The following DNAH8 variants were observed in gnomAD, a reference collection of about 807,000 sequenced individuals.
DNAH8 encodes the protein dynein axonemal heavy chain 8.
Under a neutral mutation model 562.1 loss-of-function variants are expected in DNAH8, and 382 were observed. The ratio of observed to expected loss-of-function variants is 0.68; its 90% CI spans 0.63 to 0.74. DNAH8 has a LOEUF of 0.74. Ranked by LOEUF, DNAH8 falls within the 30% of genes least tolerant of loss-of-function variation. DNAH8 has a pLI of 0.00. For missense variants in DNAH8, 5,203 were observed against 5,620.4 expected (o/e 0.93, Z 2.37); for synonymous variants, 1,881 against 1,919.4 (o/e 0.98, Z 0.52).
chr6:38,896,579 AAAC>A (rs757852839), intron 60 of DNAH8, among the ~76,000 whole-genome samples: 1 of 126,010 alleles, frequency 7.9e-6, no homozygotes, highest in African/African-American at 3.0e-5. Context: ...TGTCTCAAAA[AAAC>A]AAACAAACAA....
At chr6:39,027,812 C>T (rs762527083) in intron 92 of DNAH8, among the ~76,000 whole-genome samples, 20 of 151,916 alleles carry the variant, frequency 1.3e-4, no homozygotes, top group Non-Finnish European at 2.2e-4. Flanking sequence ...GGTGACAGAG[C>T]GAGACTCTGT....
intron 21 of DNAH8, among the ~76,000 whole-genome samples, chr6:38,801,069 T>A (rs1770738028): frequency 6.6e-6 from 1 of 152,176 alleles, no homozygotes; most frequent in Admixed American, 6.5e-5. Flanking sequence ...AATTTATCAA[T>A]TTTTTTCTTT....
At chr6:39,005,185 G>T (rs1765725447) in intron 88 of DNAH8, among the ~76,000 whole-genome samples, 1 of 152,168 alleles carries the variant, frequency 6.6e-6, no homozygotes, top group Non-Finnish European at 1.5e-5. Context: ...GCCAAGGTGG[G>T]TGAATTGCCT....
intron 74 of DNAH8, 111 bp downstream of exon 74, chr6:38,926,321 A>G (rs1583373883): frequency 8.2e-7 from 1 of 1,215,444 alleles, no homozygotes; most frequent in Non-Finnish European, 1.1e-6. Context: ...AATGTTTGCT[A>G]ATTCACACTC....
At chr6:38,976,184 C>G (rs1763660214) in intron 85 of DNAH8, among the ~76,000 whole-genome samples, 1 of 152,242 alleles carries the variant, frequency 6.6e-6, no homozygotes, top group African/African-American at 2.4e-5. Flanking sequence ...GACTTTCGTG[C>G]TTGCTGTGAA....
intron 17 of DNAH8, among the ~76,000 whole-genome samples, chr6:38,786,532 A>G (rs1002955058): frequency 1.3e-5 from 2 of 152,222 alleles, no homozygotes; most frequent in African/African-American, 2.4e-5. Context: ...TTCTTGGTCA[A>G]TGTTTCTCTC....
intron 22 of DNAH8, among the ~76,000 whole-genome samples, chr6:38,804,229 G>A (rs1771048137): frequency 6.6e-6 from 1 of 152,136 alleles, no homozygotes; most frequent in South Asian, 2.1e-4. Context: ...TTTAAGAAAA[G>A]ATTCCCTAGT....
chr6:39,026,525 T>A, intron 91 of DNAH8, 21 bp from the exon 92 acceptor site: 1 of 1,595,504 alleles, frequency 6.3e-7, no homozygotes, highest in Non-Finnish European at 8.5e-7. Context: ...GGCTTCAACA[T>A]CTCTTCTTTT....
intron 91 of DNAH8, 56 bp downstream of exon 91, chr6:39,012,693 G>A (rs1766300416): frequency 5.9e-6 from 8 of 1,346,292 alleles, no homozygotes; most frequent in Non-Finnish European, 8.5e-6. Flanking sequence ...TTGGATAGTA[G>A]CATCGTGTGA....
In DNAH8 at chr6:38,898,272, C is replaced by T. The variant is rs1390665383; in HGVS notation, c.8955C>T (p.Asp2985=). 6.3e-7 allele frequency: 1 copy of T among 1,591,692 alleles called. No individual in the cohort carries two copies. ...TCCACCCATAGATGCCATCCTTTGA[C>T]TTTCTGGCTGAAAAACTCCAGTTTT... ...PKIYELMPSF[D]FLAEKLQFYQ... The change falls in exon 61 of 93, where the codon GAC becomes GAT. Residue 2985 remains aspartate, a synonymous_variant. Transcript: ENST00000327475.
chr6:38,831,430 C>CAAA (rs67322321), intron 30 of DNAH8, among the ~76,000 whole-genome samples: 26 of 88,960 alleles, frequency 2.9e-4, no homozygotes, highest in Admixed American at 4.0e-4. Flanking sequence ...GACACCATCT[C>CAAA]AAAAAAAAAA....
At position 38,882,998 on chromosome 6, in the gene DNAH8, T is replaced by A; in HGVS notation, c.7947T>A (p.Asn2649Lys). 6.2e-7 allele frequency: 1 copy of A among 1,606,144 alleles called. No individual in the cohort carries two copies. The highest frequency in any genetic ancestry group is 8.5e-7 in the Non-Finnish European group (1 of 1,177,290). The change falls in exon 54 of 93, where the codon AAT (asparagine) becomes AAA (lysine). Residue 2649 changes from asparagine to lysine, a missense_variant. By Grantham distance (94) the Asn-to-Lys change is moderately conservative (BLOSUM62 0). Transcript: ENST00000327475. ...IPEYSSILVPNVDNIRTNFLI... is the reference protein window; with the variant it reads ...IPEYSSILVPKVDNIRTNFLI... ...AATATTCATCAATTTTGGTTCCAAA[T>A]GTTGACAATATTAGAACAAATTTTT...
intron 74 of DNAH8, 80 bp downstream of exon 74, chr6:38,926,290 A>G: frequency 1.4e-6 from 2 of 1,477,374 alleles, no homozygotes; most frequent in Middle Eastern, 2.3e-4. Context: ...CTGCAGTCAT[A>G]AAGTTGTCAT....
At chr6:39,025,646 G>T (rs1767223118) in intron 91 of DNAH8, among the ~76,000 whole-genome samples, 1 of 152,140 alleles carries the variant, frequency 6.6e-6, no homozygotes, top group Non-Finnish European at 1.5e-5. Flanking sequence ...CTGATAAAAT[G>T]TTCACTTTTG....
rs1554124175 is a variant in DNAH8, at chr6:38,874,068, T to TTTTCTTTCTTTCTTTCTTTCTTTC, written c.7620+698_7620+721dup. ...TTTCTTTCTTTCTTTCTTTCTTTCTTTTTCTTTCTTTCTTTCTTTCTTTCT... is the reference window on the plus strand; with the variant it reads ...TTTCTTTCTTTCTTTCTTTCTTTCTTTTTCTTTCTTTCTTTCTTTCTTTCTTTCTTTCTTTCTTTCTTTCTTTCT... On this transcript the variant is annotated intron_variant, in intron 52 of 92. Transcript: ENST00000327475. Among the ~76,000 whole-genome samples the TTTTCTTTCTTTCTTTCTTTCTTTC allele has an allele frequency of 6.1e-4, 35 of 57,076 alleles. 6 individuals are homozygous for TTTTCTTTCTTTCTTTCTTTCTTTC. Among genetic ancestry groups the TTTTCTTTCTTTCTTTCTTTCTTTC allele is most frequent in the African/African-American group, 2.2e-3 (35 of 15,638 alleles). The allele number at this position is 57,076 out of a possible 152,430, so 37.4% of individuals were successfully genotyped here. A position where few individuals can be genotyped will look rare whatever the true frequency, so the allele number is the denominator to read the frequency against.
At chr6:38,775,604 T>C (rs1767987048) in intron 12 of DNAH8, 150 bp from the exon 13 acceptor site, 4 of 561,734 alleles carry the variant, frequency 7.1e-6, no homozygotes, top group Non-Finnish European at 1.3e-5. Context: ...ATTTGTCTTC[T>C]GTTTTATCTC....
In DNAH8 at chr6:38,760,404, T is replaced by C. The variant is rs1766372768; in HGVS notation, c.1516-1298T>C. On this transcript the variant is annotated intron_variant, in intron 10 of 92. Transcript: ENST00000327475. ...CCTTTGTAGGTAACTAGTTTTATTC[T>C]CCCAGGAAGCTTTTAGGATTTTTTT... Among the ~76,000 whole-genome samples, 3 of 152,174 alleles carry C rather than the reference T, an allele frequency of 2.0e-5. No homozygotes were observed. The South Asian group carries it at 6.2e-4, about 32-fold the overall frequency.
At chr6:38,799,347 C>G (rs1770574900) in intron 21 of DNAH8, among the ~76,000 whole-genome samples, 1 of 151,886 alleles carries the variant, frequency 6.6e-6, no homozygotes, top group South Asian at 2.1e-4. Flanking sequence ...TGACCTTGTT[C>G]CGCCAGTTTT....
At chr6:38,932,089 A>T in intron 76 of DNAH8, 96 bp downstream of exon 76, 1 of 928,240 alleles carries the variant, frequency 1.1e-6, no homozygotes, top group Non-Finnish European at 1.5e-6. Flanking sequence ...AAAAAAATTT[A>T]AAAACCATAT....
Sources: allele counts gnomAD v4.1 joint callset (sites outside exome capture counted in the v4.1 genomes callset), GRCh38; gene constraint gnomAD v4.1.1; transcripts MANE v1.5; gene names NCBI Gene and HGNC (gene_info 2026-07-23, HGNC 2026-07-21).